The following PPP3CC variants were observed in gnomAD, a reference collection of about 807,000 sequenced individuals.
The protein encoded by PPP3CC is protein phosphatase 3 catalytic subunit gamma, also known as serine/threonine-protein phosphatase 2B catalytic subunit gamma isoform.
PPP3CC carries 35 observed loss-of-function variants against 60.3 expected under a neutral mutation model. The ratio of observed to expected loss-of-function variants is 0.58; its 90% CI spans 0.44 to 0.77. PPP3CC has a LOEUF of 0.77. PPP3CC is among the 30% of genes least tolerant of loss of function. The pLI, the probability that PPP3CC is intolerant of heterozygous loss-of-function variation, is 0.00. For missense variants in PPP3CC, 570 were observed against 628.9 expected, an observed-to-expected ratio of 0.91 and a Z score of 1.00; for synonymous variants, 206 against 224.3, an observed-to-expected ratio of 0.92 and a Z score of 0.73.
At chr8:22,467,254 C>T (rs1473879102) in intron 1 of PPP3CC, among the ~76,000 whole-genome samples, 1 of 151,900 alleles carries the variant, frequency 6.6e-6, no homozygotes, top group Non-Finnish European at 1.5e-5. Context: ...AGATATTTGC[C>T]ATCAAAATTT....
rs1839945046 is a variant in PPP3CC, at chr8:22,540,897, C to T, written c.*95C>T. The T allele has an allele frequency of 8.5e-7, 1 of 1,175,818 alleles. No homozygotes were observed. Among genetic ancestry groups the T allele is most frequent in the African/African-American group, 1.6e-5 (1 of 63,812 alleles). 72.8% of individuals were successfully genotyped at this position (1,175,818 alleles called of 1,614,324 possible). On this transcript the variant is annotated 3_prime_UTR_variant, in exon 14 of 14. Coordinates refer to ENST00000240139, the MANE Select transcript of PPP3CC (RefSeq NM_005605.5). ...AATGAAAAGCAACTCAAAACAACTT[C>T]AACGTGGAGGTGCATTTATAATTCA... is the stretch of plus-strand genomic sequence containing the variant.
intron 3 of PPP3CC, chr8:22,493,041 G>A: frequency 7.2e-7 from 1 of 1,389,088 alleles, no homozygotes; most frequent in Non-Finnish European, 1.0e-6. Context: ...TGAAGTTCCA[G>A]CTCTTGTGGA....
At chr8:22,480,135 T>C (rs2132476229) in intron 3 of PPP3CC, among the ~76,000 whole-genome samples, 1 of 152,288 alleles carries the variant, frequency 6.6e-6, no homozygotes, top group Non-Finnish European at 1.5e-5. Context: ...TAACTGTGGA[T>C]GACAAAAGCT....
At chr8:22,441,522 T>C (rs1474471584) in intron 1 of PPP3CC, 64 bp downstream of exon 1, 3 of 1,467,022 alleles carry the variant, frequency 2.0e-6, no homozygotes, top group Admixed American at 4.5e-5. Flanking sequence ...GGGCGGCGGC[T>C]CGGGGCGGAG....
At chr8:22,491,674 C>G (rs1838409990) in intron 3 of PPP3CC, among the ~76,000 whole-genome samples, 1 of 152,044 alleles carries the variant, frequency 6.6e-6, no homozygotes, top group African/African-American at 2.4e-5. Context: ...CTCTTTAACC[C>G]TAAAATAATG....
chr8:22,539,841 A>G (rs928141734), intron 13 of PPP3CC, among the ~76,000 whole-genome samples: 7 of 152,224 alleles, frequency 4.6e-5, no homozygotes, highest in African/African-American at 1.4e-4. Context: ...AAGAGAGCCA[A>G]ATAGGTCAGC....
At chr8:22,504,371 A>G (rs1448803617) in intron 4 of PPP3CC, among the ~76,000 whole-genome samples, 1 of 152,152 alleles carries the variant, frequency 6.6e-6, no homozygotes, top group African/African-American at 2.4e-5. Flanking sequence ...GTGTAATCAT[A>G]GCTCACTGCA....
At chr8:22,503,586 G>A (rs955364351) in intron 4 of PPP3CC, among the ~76,000 whole-genome samples, 2 of 152,034 alleles carry the variant, frequency 1.3e-5, no homozygotes, top group Non-Finnish European at 2.9e-5. Context: ...GAATACATGA[G>A]ATATTTTGAT....
At chr8:22,481,251 C>G (rs1303256968) in intron 3 of PPP3CC, among the ~76,000 whole-genome samples, 1 of 151,970 alleles carries the variant, frequency 6.6e-6, no homozygotes, top group Non-Finnish European at 1.5e-5. Flanking sequence ...AGGAGAATCA[C>G]TTGAACCTGG....
At chr8:22,451,462 G>C (rs919074463) in intron 1 of PPP3CC, among the ~76,000 whole-genome samples, 2 of 152,174 alleles carry the variant, frequency 1.3e-5, no homozygotes, top group African/African-American at 4.8e-5. Context: ...ACTACAGGTT[G>C]AGTGTTCCTA....
chr8:22,445,756 A>G (rs541422741), intron 1 of PPP3CC, among the ~76,000 whole-genome samples: 6 of 152,220 alleles, frequency 3.9e-5, no homozygotes, highest in Admixed American at 2.0e-4. Flanking sequence ...TAAATTTTCA[A>G]TGTGAATACG....
At chr8:22,451,247 T>G (rs1274638808) in intron 1 of PPP3CC, among the ~76,000 whole-genome samples, 1 of 152,064 alleles carries the variant, frequency 6.6e-6, no homozygotes, top group Admixed American at 6.6e-5. Flanking sequence ...GTGATTCTCC[T>G]GCCCCAGCCT....
chr8:22,457,648 C>T (rs1837243678), intron 1 of PPP3CC, among the ~76,000 whole-genome samples: 1 of 152,210 alleles, frequency 6.6e-6, no homozygotes, highest in African/African-American at 2.4e-5. Context: ...ATTTCTGTAG[C>T]TATCGTTGAT....
chr8:22,497,002 G>T (rs1347647521), intron 3 of PPP3CC, among the ~76,000 whole-genome samples: 2 of 151,856 alleles, frequency 1.3e-5, no homozygotes, highest in Non-Finnish European at 2.9e-5. Context: ...GTGATGTTCT[G>T]TTGATTTTTT....
At chr8:22,469,070 A>G (rs555329890) in intron 1 of PPP3CC, among the ~76,000 whole-genome samples, 1 of 152,234 alleles carries the variant, frequency 6.6e-6, no homozygotes, top group Non-Finnish European at 1.5e-5. Flanking sequence ...CAGCAAAGAT[A>G]CAGAATCAGC....
chr8:22,456,498 C>G (rs1246956860), intron 1 of PPP3CC, among the ~76,000 whole-genome samples: 1 of 152,132 alleles, frequency 6.6e-6, no homozygotes, highest in African/African-American at 2.4e-5. Context: ...TCCCCTAACT[C>G]CCTTCCCTCT....
intron 4 of PPP3CC, among the ~76,000 whole-genome samples, chr8:22,504,264 G>A (rs1043513820): frequency 6.6e-6 from 1 of 151,730 alleles, no homozygotes; most frequent in Admixed American, 6.6e-5. Flanking sequence ...AGTATCCATC[G>A]CCTCAAACAT....
intron 1 of PPP3CC, among the ~76,000 whole-genome samples, chr8:22,453,135 A>T (rs1178510174): frequency 2.0e-5 from 3 of 152,182 alleles, no homozygotes; most frequent in Middle Eastern, 6.3e-3. Flanking sequence ...AAAATGGGAG[A>T]TAGTGCCTAC....
Position 22,511,135 on chromosome 8 carries a change from T to G in PPP3CC, c.534T>G (p.Phe178Leu). 1 of 1,614,044 alleles carries G rather than the reference T, an allele frequency of 6.2e-7. No homozygotes were observed. The highest frequency in any genetic ancestry group is 8.5e-7 in the Non-Finnish European group (1 of 1,179,886). ...TGTATGATGCCTGTATGGAGACATT[T>G]GACTGTCTTCCTCTTGCTGCCCTCT... The part of the protein sequence containing the change: ...EQVYDACMET[F>L]DCLPLAALLN... The change falls in exon 5 of 14, where the codon TTT becomes TTG. Residue 178 changes from phenylalanine to leucine, a missense_variant. Physicochemically the swap from Phe to Leu is conservative, Grantham distance 22. Transcript: ENST00000240139.
Sources: gnomAD v4.1 joint callset for allele counts (sites outside exome capture counted in the v4.1 genomes callset) on GRCh38, gnomAD v4.1.1 for gene constraint, MANE v1.5 for transcripts, NCBI Gene and HGNC (gene_info 2026-07-23, HGNC 2026-07-21) for gene names.